ADK: variants seen among roughly 807,000 people sequenced by gnomAD.
ADK encodes the protein N6,N6-dimethyladenosine kinase.
A neutral mutation model predicts 44.7 loss-of-function variants in ADK; 24 were observed. That is an observed-to-expected ratio of 0.54 (90% CI 0.39 to 0.76). ADK has a LOEUF of 0.76. ADK is among the 30% of genes least tolerant of loss of function. The pLI is 0.00. For missense variants in ADK, 321 were observed against 425.1 expected (o/e 0.76, Z 2.15); for synonymous variants, 128 against 142.6 (o/e 0.90, Z 0.73).
intron 4 of ADK, among the ~76,000 whole-genome samples, chr10:74,330,885 G>C (rs1841193807): frequency 6.6e-6 from 1 of 152,170 alleles, no homozygotes; most frequent in Admixed American, 6.5e-5. Flanking sequence ...CCAAAACTAT[G>C]TGAGATAGTA....
chr10:74,461,175 G>T (rs1025884325), intron 6 of ADK, among the ~76,000 whole-genome samples: 1 of 151,844 alleles, frequency 6.6e-6, no homozygotes, highest in African/African-American at 2.4e-5. Context: ...TGCCATTTAA[G>T]TCCCTAACTT....
chr10:74,427,712 T>C (rs1844846905), intron 6 of ADK, among the ~76,000 whole-genome samples: 1 of 124,612 alleles, frequency 8.0e-6, no homozygotes, highest in South Asian at 2.8e-4. Flanking sequence ...CATGTATTTT[T>C]GTATATGTAT....
chr10:74,477,937 A>G (rs946066103), intron 6 of ADK, among the ~76,000 whole-genome samples: 1 of 152,230 alleles, frequency 6.6e-6, no homozygotes, highest in Non-Finnish European at 1.5e-5. Context: ...CATAGAAACT[A>G]TATTTCCCAA....
intron 3 of ADK, among the ~76,000 whole-genome samples, chr10:74,310,216 C>A (rs1840388433): frequency 6.6e-6 from 1 of 152,086 alleles, no homozygotes; most frequent in Non-Finnish European, 1.5e-5. Flanking sequence ...CTAAAATTCC[C>A]ATACTTTATT....
chr10:74,472,125 T>C (rs1846613753), intron 6 of ADK, among the ~76,000 whole-genome samples: 1 of 152,044 alleles, frequency 6.6e-6, no homozygotes, highest in South Asian at 2.1e-4. Flanking sequence ...GAATCACGAG[T>C]TCAGGAGTTC....
intron 6 of ADK, among the ~76,000 whole-genome samples, chr10:74,403,122 C>T (rs116691735): frequency 0.037 from 5,655 of 152,098 alleles, 313 homozygotes; most frequent in African/African-American, 0.12. Flanking sequence ...CTCAGAGGGG[C>T]GCCCAGTTGT....
chr10:74,205,914 A>C (rs12359146), intron 2 of ADK, among the ~76,000 whole-genome samples: 69,712 of 152,004 alleles, frequency 0.46, 18,347 homozygotes, highest in Non-Finnish European at 0.59. Flanking sequence ...TGTGATGCTT[A>C]TATGGGTATA....
intron 3 of ADK, among the ~76,000 whole-genome samples, chr10:74,240,402 C>CTGTG (rs1284114457): frequency 2.9e-5 from 2 of 68,958 alleles, no homozygotes; most frequent in South Asian, 4.3e-4. Context: ...GTGTGTGTGT[C>CTGTG]TGTGTGTGTG....
intron 6 of ADK, among the ~76,000 whole-genome samples, chr10:74,415,514 A>C (rs1213424724): frequency 1.3e-5 from 2 of 152,174 alleles, no homozygotes; most frequent in African/African-American, 4.8e-5. Context: ...TAGAATCTTT[A>C]TAGTTTAATA....
intron 3 of ADK, 76 bp from the exon 4 acceptor site, chr10:74,314,591 C>T: frequency 3.3e-6 from 3 of 905,434 alleles, no homozygotes; most frequent in Non-Finnish European, 5.5e-6. Context: ...TTTTAATACT[C>T]TTCTGCTCAG....
chr10:74,176,612 G>C, intron 1 of ADK: 1 of 1,391,028 alleles, frequency 7.2e-7, no homozygotes, highest in Non-Finnish European at 9.3e-7. Context: ...GCGCGCCAGT[G>C]AGCTGGCACG....
intron 3 of ADK, among the ~76,000 whole-genome samples, chr10:74,252,142 A>G (rs910406371): frequency 2.0e-5 from 3 of 151,958 alleles, no homozygotes; most frequent in Non-Finnish European, 4.4e-5. Context: ...TTCTATCTAG[A>G]TGGGTTCTTG....
chr10:74,391,972 C>T (rs1843351772), intron 4 of ADK, among the ~76,000 whole-genome samples: 1 of 152,016 alleles, frequency 6.6e-6, no homozygotes, highest in African/African-American at 2.4e-5. Context: ...TTGTGACAGA[C>T]CTTATATAAC....
chr10:74,572,380 G>A (rs1051260985), intron 7 of ADK, among the ~76,000 whole-genome samples: 1 of 152,240 alleles, frequency 6.6e-6, no homozygotes. Context: ...TCTGCTGTTA[G>A]TCTGATGGGC....
At chr10:74,222,796 G>A (rs566351174) in intron 2 of ADK, among the ~76,000 whole-genome samples, 4,733 of 148,954 alleles carry the variant, frequency 0.032, 268 homozygotes, top group African/African-American at 0.11. Context: ...TCACTCATAG[G>A]TGGGAATTGA....
In ADK at chr10:74,586,407, A is replaced by G. The variant is rs559895993; in HGVS notation, c.727-2875A>G. ...ACTTTTTTTAAGTACATCTTTCCTC[A>G]GTCAGAAATATGTTGATGCTTGAAA... is the stretch of plus-strand genomic sequence containing the variant. On this transcript the variant is annotated intron_variant, in intron 7 of 10. Transcript: ENST00000539909. Among the ~76,000 whole-genome samples the G allele has an allele frequency of 1.3e-5, 2 of 152,326 alleles. 1 individual carries two copies. Among genetic ancestry groups the G allele is most frequent in the South Asian group, 4.2e-4 (2 of 4,818 alleles).
intron 6 of ADK, among the ~76,000 whole-genome samples, chr10:74,464,136 C>G (rs1297357838): frequency 6.6e-6 from 1 of 152,042 alleles, no homozygotes; most frequent in Non-Finnish European, 1.5e-5. Flanking sequence ...AAAATTACAG[C>G]AGTACACATA....
rs546832501 is a variant in ADK at position 74,493,509 on chromosome 10, T to TATATAGATATAG, written c.556-31731_556-31720dup. On this transcript the variant is annotated intron_variant, in intron 6 of 10. Coordinates refer to ENST00000539909, the MANE Select transcript of ADK (RefSeq NM_006721.4). Reference sequence around the variant, plus strand: ...ATATAGATATAGAGAGAGATATAGATATATAGATATAGATATAGATATAGA... The same window carrying TATATAGATATAG: ...ATATAGATATAGAGAGAGATATAGATATATAGATATAGATATAGATATAGATATAGATATAGA... Among the ~76,000 whole-genome samples, 58 of 151,342 alleles carry TATATAGATATAG rather than the reference T, an allele frequency of 3.8e-4. 1 individual carries two copies. The East Asian group carries it at 5.6e-3, about 15-fold the overall frequency.
rs896957145 is a variant in ADK at position 74,541,796 on chromosome 10, C to CT, written c.726+16370_726+16371insT. Among the ~76,000 whole-genome samples the CT allele has an allele frequency of 3.7e-5, 4 of 108,326 alleles. 1 individual carries two copies. Among genetic ancestry groups the CT allele is most frequent in the Admixed American group, 1.7e-4 (2 of 11,562 alleles). The allele number at this position is 108,326 out of a possible 152,430, so 71.1% of individuals were successfully genotyped here. ...TTACAGAACGAGAACCCCCACACACCCCCCCCCCCTAAAAAAAAACAACAC... is the reference window on the plus strand; with the variant it reads ...TTACAGAACGAGAACCCCCACACACCTCCCCCCCCCTAAAAAAAAACAACAC... On this transcript the variant is annotated intron_variant, in intron 7 of 10. Coordinates refer to ENST00000539909, the MANE Select transcript of ADK (RefSeq NM_006721.4).
Sources: gnomAD v4.1 joint callset for allele counts (sites outside exome capture counted in the v4.1 genomes callset) on GRCh38, gnomAD v4.1.1 for gene constraint, MANE v1.5 for transcripts, NCBI Gene and HGNC (gene_info 2026-07-23, HGNC 2026-07-21) for gene names.